Variants in MARCHF8 observed in about 807,000 individuals in gnomAD.
The protein encoded by MARCHF8 is membrane associated ring-CH-type finger 8, also known as E3 ubiquitin-protein ligase MARCHF8.
MARCHF8 carries 40 observed loss-of-function variants against 51.6 expected under a neutral mutation model. The ratio of observed to expected loss-of-function variants is 0.77; its 90% CI spans 0.60 to 1.01. MARCHF8 has a LOEUF of 1.01. Ranked by LOEUF, MARCHF8 falls within the 50% of genes least tolerant of loss-of-function variation. The probability of loss-of-function intolerance (pLI) is 0.00; values close to 1 mark genes in which losing one functional copy is unlikely to be tolerated. For missense variants in MARCHF8, 685 were observed against 708.6 expected, an observed-to-expected ratio of 0.97 and a Z score of 0.38; for synonymous variants, 263 against 280.3, an observed-to-expected ratio of 0.94 and a Z score of 0.62.
intron 5 of MARCHF8, chr10:45,462,015 A>G (rs1332951554): frequency 6.6e-6 from 1 of 152,242 alleles, no homozygotes; most frequent in African/African-American, 2.4e-5. Context: ...TGAGAAATTA[A>G]TTTGAAAGCA....
intron 1 of MARCHF8, among the ~76,000 whole-genome samples, chr10:45,570,382 T>C (rs1437106962): frequency 6.6e-6 from 1 of 152,204 alleles, no homozygotes; most frequent in East Asian, 1.9e-4. Context: ...TTTCATTTAC[T>C]ATAATACCAG....
intron 2 of MARCHF8, among the ~76,000 whole-genome samples, chr10:45,512,634 C>G: frequency 6.8e-6 from 1 of 147,196 alleles, no homozygotes; most frequent in South Asian, 2.2e-4. Flanking sequence ...CCAGCCGCCC[C>G]GTCCGGGAGG....
At chr10:45,566,975 A>T (rs946687366) in intron 1 of MARCHF8, among the ~76,000 whole-genome samples, 2 of 152,118 alleles carry the variant, frequency 1.3e-5, no homozygotes, top group Non-Finnish European at 2.9e-5. Flanking sequence ...GATATGACAT[A>T]TTAATTAGGT....
rs117042300 is a variant in MARCHF8, at chr10:45,498,490, T to A, written c.103-9073A>T. ...TTGTAGCATGTGTCAGAAGCCTTTT[T>A]TTTTTTGAGAAGTCTCGCTCTGTCA... On this transcript the variant is annotated intron_variant, in intron 2 of 7. Transcript: ENST00000453424. Among the ~76,000 whole-genome samples the A allele has an allele frequency of 3.8e-3, 574 of 152,256 alleles. 13 individuals are homozygous for A. The East Asian group carries it at 0.052, about 14-fold the overall frequency.
intron 2 of MARCHF8, among the ~76,000 whole-genome samples, chr10:45,507,409 G>T (rs2043406327): frequency 6.6e-6 from 1 of 152,174 alleles, no homozygotes; most frequent in African/African-American, 2.4e-5. Flanking sequence ...CAAGAAGCAT[G>T]GTGCCAGGAT....
chr10:45,474,765 G>C (rs2042755843), intron 3 of MARCHF8, among the ~76,000 whole-genome samples: 2 of 152,212 alleles, frequency 1.3e-5, no homozygotes, highest in Admixed American at 1.3e-4. Flanking sequence ...GAGCAGGCAA[G>C]GAGAGGGCAG....
chr10:45,521,554 G>A (rs962429956), intron 2 of MARCHF8, among the ~76,000 whole-genome samples: 2 of 152,170 alleles, frequency 1.3e-5, no homozygotes, highest in Non-Finnish European at 2.9e-5. Context: ...TGGAAAGTCT[G>A]CCTGTGCCTC....
intron 1 of MARCHF8, among the ~76,000 whole-genome samples, chr10:45,551,864 C>CAG (rs1234472055): frequency 6.6e-6 from 1 of 151,890 alleles, no homozygotes; most frequent in Non-Finnish European, 1.5e-5. Context: ...CACACACACA[C>CAG]AGACACACAC....
rs1220631044 is a variant in MARCHF8, at chr10:45,459,287, T to C, written c.1270-20A>G. On this transcript the variant is annotated intron_variant, in intron 6 of 7. Transcript: ENST00000453424. ...CTCCCACTAGAAAGACAACACAGAG[T>C]GTGAGGCTCAGGCTTCTGGGGAAGG... 7 of 1,611,602 alleles carry C rather than the reference T, an allele frequency of 4.3e-6. No homozygotes were observed. Among genetic ancestry groups the C allele is most frequent in the African/African-American group, 2.7e-5 (2 of 74,682 alleles).
intron 1 of MARCHF8, among the ~76,000 whole-genome samples, chr10:45,548,611 A>G (rs560409699): frequency 6.6e-6 from 1 of 152,344 alleles, no homozygotes; most frequent in African/African-American, 2.4e-5. Context: ...AAGGGAAAAG[A>G]GAAGATTTGT....
chr10:45,552,980 T>C (rs2044212098), intron 1 of MARCHF8: 1 of 152,230 alleles, frequency 6.6e-6, no homozygotes, highest in African/African-American at 2.4e-5. Flanking sequence ...TTGAATACTT[T>C]GGAAAGCATC....
chr10:45,502,811 A>G (rs2043305188), intron 2 of MARCHF8, among the ~76,000 whole-genome samples: 1 of 152,236 alleles, frequency 6.6e-6, no homozygotes, highest in Admixed American at 6.5e-5. Flanking sequence ...AAGGAAAATG[A>G]TACCAGAAAA....
At chr10:45,514,769 C>G (rs2043591495) in intron 2 of MARCHF8, among the ~76,000 whole-genome samples, 1 of 152,070 alleles carries the variant, frequency 6.6e-6, no homozygotes. Flanking sequence ...TGTGTGCCAA[C>G]CTGTCACCCA....
chr10:45,581,038 C>A (rs544183293), intron 1 of MARCHF8, among the ~76,000 whole-genome samples: 1 of 152,190 alleles, frequency 6.6e-6, no homozygotes, highest in South Asian at 2.1e-4. Flanking sequence ...AGGCTGGGAA[C>A]ACGGAGAAAC....
At chr10:45,531,509 C>T (rs1319082056) in intron 2 of MARCHF8, among the ~76,000 whole-genome samples, 1 of 151,628 alleles carries the variant, frequency 6.6e-6, no homozygotes. Flanking sequence ...TATTAAAAGA[C>T]AATAATGAAA....
chr10:45,554,414 A>G (rs1053219128), intron 1 of MARCHF8, among the ~76,000 whole-genome samples: 2 of 152,228 alleles, frequency 1.3e-5, no homozygotes, highest in Non-Finnish European at 2.9e-5. Flanking sequence ...AGTAACAACC[A>G]ATCTGTAGTT....
chr10:45,467,171 T>C lies in MARCHF8; in HGVS notation c.154-2844A>G, dbSNP rs554890189. ...TGCTCTCATTTCACCATTTCCAATC[T>C]TATGAAAACATTACAGGATACTCTC... is the stretch of plus-strand genomic sequence containing the variant. On this transcript the variant is annotated intron_variant, in intron 3 of 7. Transcript: ENST00000453424. 7.2e-5 allele frequency among the ~76,000 whole-genome samples: 11 copies of C among 152,364 alleles called. No individual in the cohort carries two copies. The South Asian group carries it at 1.4e-3, about 20-fold the overall frequency.
intron 1 of MARCHF8, among the ~76,000 whole-genome samples, chr10:45,540,500 AGGCATG>A (rs371471113): frequency 0.023 from 3,475 of 152,354 alleles, 49 homozygotes; most frequent in Non-Finnish European, 0.036. Context: ...TTCAGGACAT[AGGCATG>A]GGCAAGGACT....
chr10:45,512,334 C>G (rs993619342), intron 2 of MARCHF8, among the ~76,000 whole-genome samples: 2 of 151,456 alleles, frequency 1.3e-5, no homozygotes, highest in African/African-American at 4.9e-5. Context: ...GCAGCCACCC[C>G]GTCCGGGAGG....
Sources: allele counts gnomAD v4.1 joint callset (sites outside exome capture counted in the v4.1 genomes callset), GRCh38; gene constraint gnomAD v4.1.1; transcripts MANE v1.5; gene names NCBI Gene and HGNC (gene_info 2026-07-23, HGNC 2026-07-21).